Variants in IRF2 observed in about 807,000 individuals in gnomAD.
IRF2 encodes the protein interferon regulatory factor 2.
In IRF2, 15 loss-of-function variants were observed where a neutral mutation model predicts 40.6. The observed-to-expected ratio is 0.37, with a 90% CI of 0.25 to 0.57. The LOEUF is 0.57. Among genes scored for constraint, IRF2 ranks in the 20% least tolerant of loss-of-function variants. The pLI is 0.77. For missense variants in IRF2, 317 were observed against 455.7 expected (o/e 0.70, Z 2.77); for synonymous variants, 151 against 165.5 (o/e 0.91, Z 0.67).
At position 184,418,600 on chromosome 4, in the gene IRF2, A is replaced by G; in HGVS notation, c.296T>C (p.Ile99Thr). Residue 99 changes from isoleucine to threonine, a missense_variant, in exon 4 of 9, where the codon ATA (isoleucine) becomes ACA (threonine). Physicochemically the swap from Ile to Thr is moderately conservative, Grantham distance 89. This residue lies in a region of IRF2 where 262 missense variants were observed against 334.0 expected (regional missense o/e 0.78). Coordinates refer to ENST00000393593, the MANE Select transcript of IRF2 (RefSeq NM_002199.4). ...CCTGAAGGCATTATTTCCTTTCTTT[A>G]TGCTTTTATCCTTGACTTCTTCAAT... Reference protein sequence around the residue: ...PDIEEVKDKSIKKGNNAFRVY... With the variant: ...PDIEEVKDKSTKKGNNAFRVY... The G allele has an allele frequency of 6.2e-7, 1 of 1,614,162 alleles. No homozygotes were observed. The highest frequency in any genetic ancestry group is 8.5e-7 in the Non-Finnish European group (1 of 1,180,004).
intron 1 of IRF2, among the ~76,000 whole-genome samples, chr4:184,466,319 G>T (rs1169766563): frequency 2.0e-5 from 3 of 152,046 alleles, no homozygotes; most frequent in Non-Finnish European, 4.4e-5. Flanking sequence ...CCAAAGTGCT[G>T]GGATTACAGG....
chr4:184,453,612 C>T (rs955747524), intron 1 of IRF2, among the ~76,000 whole-genome samples: 4 of 152,112 alleles, frequency 2.6e-5, no homozygotes, highest in Admixed American at 1.3e-4. Context: ...GTATGCAAGC[C>T]GGAAAAGACC....
At chr4:184,468,603 C>T (rs1252646391) in intron 1 of IRF2, among the ~76,000 whole-genome samples, 5 of 152,176 alleles carry the variant, frequency 3.3e-5, no homozygotes, top group Non-Finnish European at 5.9e-5. Context: ...GGCCCCTGTC[C>T]GAAGTGCTTT....
chr4:184,414,876 T>A (rs932719366), intron 5 of IRF2, among the ~76,000 whole-genome samples: 2 of 152,202 alleles, frequency 1.3e-5, no homozygotes, highest in Admixed American at 6.5e-5. Flanking sequence ...ATTTCCTCAG[T>A]AGAAGAAACC....
intron 1 of IRF2, among the ~76,000 whole-genome samples, chr4:184,462,163 C>G (rs1261668304): frequency 2.6e-5 from 4 of 152,302 alleles, no homozygotes; most frequent in Non-Finnish European, 5.9e-5. Context: ...TGCAAATCCC[C>G]AAACCTACTA....
intron 5 of IRF2, among the ~76,000 whole-genome samples, chr4:184,409,774 G>A (rs911817382): frequency 2.0e-5 from 3 of 152,006 alleles, no homozygotes; most frequent in African/African-American, 7.2e-5. Flanking sequence ...CACGCCTCTT[G>A]TCCTGGATAC....
At chr4:184,418,423 G>T (rs1192898255) in intron 4 of IRF2, 109 bp downstream of exon 4, 5 of 1,098,844 alleles carry the variant, frequency 4.6e-6, no homozygotes, top group Non-Finnish European at 6.9e-6. Context: ...CCTACAGCAT[G>T]AACAGGCTAT....
chr4:184,428,943 C>T, intron 2 of IRF2, 35 bp downstream of exon 2: 1 of 1,537,874 alleles, frequency 6.5e-7, no homozygotes, highest in Non-Finnish European at 9.0e-7. Context: ...CAGCCAGGAC[C>T]TCTCTCACAC....
intron 1 of IRF2, among the ~76,000 whole-genome samples, chr4:184,472,854 C>T (rs965744395): frequency 6.6e-6 from 1 of 152,254 alleles, no homozygotes; most frequent in African/African-American, 2.4e-5. Context: ...TGCCCGACCA[C>T]GGCTCTGGCG....
intron 2 of IRF2, among the ~76,000 whole-genome samples, chr4:184,423,715 C>T (rs1457471632): frequency 6.6e-6 from 1 of 152,096 alleles, no homozygotes; most frequent in Non-Finnish European, 1.5e-5. Context: ...AGAAATGGCC[C>T]AGGGAACCAC....
chr4:184,393,741 T>C (rs1561081236), intron 7 of IRF2, among the ~76,000 whole-genome samples: 1 of 152,128 alleles, frequency 6.6e-6, no homozygotes, highest in East Asian at 1.9e-4. Flanking sequence ...TGCGCCCTAT[T>C]AGGACACTGA....
chr4:184,397,656 C>T (rs1736517323), intron 7 of IRF2, among the ~76,000 whole-genome samples: 1 of 152,092 alleles, frequency 6.6e-6, no homozygotes. Flanking sequence ...TTGGGGGTGG[C>T]ACCTACTGGA....
intron 6 of IRF2, among the ~76,000 whole-genome samples, chr4:184,404,373 T>C (rs1001634675): frequency 2.0e-5 from 3 of 152,224 alleles, no homozygotes; most frequent in African/African-American, 4.8e-5. Context: ...TAATCAAATA[T>C]ATTTTAATAT....
At chr4:184,459,338 G>A (rs890482102) in intron 1 of IRF2, among the ~76,000 whole-genome samples, 1 of 152,138 alleles carries the variant, frequency 6.6e-6, no homozygotes, top group African/African-American at 2.4e-5. Flanking sequence ...TACTTAACCT[G>A]GCTACAATAC....
intron 7 of IRF2, among the ~76,000 whole-genome samples, chr4:184,394,220 G>C (rs1443630084): frequency 6.6e-6 from 1 of 152,108 alleles, no homozygotes; most frequent in African/African-American, 2.4e-5. Flanking sequence ...AGGGTGGGAG[G>C]GAAGGGGAGG....
intron 1 of IRF2, among the ~76,000 whole-genome samples, chr4:184,434,575 T>C (rs915625946): frequency 6.6e-6 from 1 of 152,200 alleles, no homozygotes; most frequent in African/African-American, 2.4e-5. Flanking sequence ...CGTTGTAAAA[T>C]CATCTACCTT....
At position 184,407,171 on chromosome 4, in the gene IRF2, CT is replaced by C; in HGVS notation, c.529+986del. ...AGATGGTTTAAATACAAAAAAAGCACTGCTAACCTCGGCAAGAGGCCAGCGG... is the reference window on the plus strand; with the variant it reads ...AGATGGTTTAAATACAAAAAAAGCACGCTAACCTCGGCAAGAGGCCAGCGG... On this transcript the variant is annotated intron_variant, in intron 6 of 8. Transcript: ENST00000393593. 2.3e-6 allele frequency: 3 copies of C among 1,288,954 alleles called. No homozygotes were observed. The South Asian group carries it at 3.7e-5, about 16-fold the overall frequency. The allele number at this position is 1,288,954 out of a possible 1,614,324, so 79.8% of individuals were successfully genotyped here.
At chr4:184,412,115 C>T (rs1001455843) in intron 5 of IRF2, among the ~76,000 whole-genome samples, 1 of 151,700 alleles carries the variant, frequency 6.6e-6, no homozygotes, top group African/African-American at 2.4e-5. Flanking sequence ...ATTGTAGAAT[C>T]CAAGGATTGA....
In IRF2 at chr4:184,400,205, T is replaced by C. The variant is rs115976405; in HGVS notation, c.530-1126A>G. ...CTCTTTGTAACCATAGCCACCTTCC[T>C]TCAGTACCTCCCCATCCATCTCTTT... On this transcript the variant is annotated intron_variant, in intron 6 of 8. Transcript: ENST00000393593. 3.0e-3 allele frequency among the ~76,000 whole-genome samples: 450 copies of C among 152,336 alleles called. 4 individuals carry two copies. The highest frequency in any genetic ancestry group is 0.01 in the African/African-American group (424 of 41,576).
Sources: allele counts gnomAD v4.1 joint callset (sites outside exome capture counted in the v4.1 genomes callset), GRCh38; gene constraint gnomAD v4.1.1; regional missense constraint gnomAD v4.1.1; transcripts MANE v1.5; gene names NCBI Gene and HGNC (gene_info 2026-07-23, HGNC 2026-07-21).